SRGAP1: variants seen among roughly 807,000 people sequenced by gnomAD.
The protein encoded by SRGAP1 is SLIT-ROBO Rho GTPase-activating protein 1.
Under a neutral mutation model 121.9 loss-of-function variants are expected in SRGAP1, and 43 were observed. That is an observed-to-expected ratio of 0.35 (90% CI 0.28 to 0.46). The LOEUF (loss-of-function observed/expected upper bound fraction) is 0.46, where lower values mean the gene tolerates loss of function less well. Among genes scored for constraint, SRGAP1 ranks in the 20% least tolerant of loss-of-function variants. SRGAP1 has a pLI of 1.00. For missense variants in SRGAP1, 1,102 were observed against 1,350.9 expected (o/e 0.82, Z 2.89); for synonymous variants, 447 against 485.4 (o/e 0.92, Z 1.04).
chr12:63,979,038 C>CTTTTTTT lies in SRGAP1; in HGVS notation c.68-4891_68-4885dup, dbSNP rs34235730. ...GAAATGTCTGTTGAGACCCTTTGAC[C>CTTTTTTT]TTTTTTTTTTTTTTTTTTTTTTTTG... On this transcript the variant is annotated intron_variant, in intron 1 of 21. Transcript: ENST00000355086. 1.0e-3 allele frequency among the ~76,000 whole-genome samples: 82 copies of CTTTTTTT among 82,138 alleles called. 1 individual carries two copies. Among genetic ancestry groups the CTTTTTTT allele is most frequent in the Non-Finnish European group, 1.1e-3 (49 of 45,738 alleles). 53.9% of individuals were successfully genotyped at this position (82,138 alleles called of 152,430 possible).
intron 18 of SRGAP1, chr12:64,120,534 A>G (rs1054200888): frequency 5.3e-5 from 8 of 152,272 alleles, no homozygotes; most frequent in African/African-American, 1.9e-4. Flanking sequence ...GATGGTTACA[A>G]TCTATGGAGA....
intron 1 of SRGAP1, among the ~76,000 whole-genome samples, chr12:63,929,989 A>G (rs931161776): frequency 1.3e-5 from 2 of 152,200 alleles, no homozygotes; most frequent in Admixed American, 6.5e-5. Flanking sequence ...CAAAACCACT[A>G]TGAGATACCA....
chr12:64,066,058 C>A (rs942357767), intron 8 of SRGAP1, among the ~76,000 whole-genome samples: 3 of 152,136 alleles, frequency 2.0e-5, no homozygotes, highest in Non-Finnish European at 4.4e-5. Context: ...TCAAGGCTCC[C>A]AATTGTAATT....
At chr12:64,080,393 G>A (rs1254418112) in intron 10 of SRGAP1, 23 bp downstream of exon 10, 16 of 1,541,706 alleles carry the variant, frequency 1.0e-5, no homozygotes, top group East Asian at 2.3e-5. Flanking sequence ...AAATGTATGG[G>A]AAGATGACCT....
chr12:64,004,033 G>A (rs1312917283), intron 3 of SRGAP1, among the ~76,000 whole-genome samples: 3 of 152,186 alleles, frequency 2.0e-5, no homozygotes, highest in Non-Finnish European at 4.4e-5. Context: ...AATGCTAGCA[G>A]CACCTCACAG....
intron 1 of SRGAP1, among the ~76,000 whole-genome samples, chr12:63,982,106 G>A (rs115540625): frequency 0.039 from 5,913 of 152,006 alleles, 390 homozygotes; most frequent in African/African-American, 0.14. Context: ...CCAGCTACTC[G>A]AGGCTGAGAC....
intron 21 of SRGAP1, among the ~76,000 whole-genome samples, chr12:64,134,691 G>A (rs548864954): frequency 6.6e-6 from 1 of 152,066 alleles, no homozygotes; most frequent in African/African-American, 2.4e-5. Flanking sequence ...TTAACTCCCC[G>A]AGCTGCAACA....
chr12:63,871,128 G>A (rs1031590315), intron 1 of SRGAP1, among the ~76,000 whole-genome samples: 28 of 152,200 alleles, frequency 1.8e-4, no homozygotes, highest in Middle Eastern at 3.4e-3. Context: ...AAAATCAAGC[G>A]ATTTTATAAC....
At chr12:63,882,423 A>G (rs1289167366) in intron 1 of SRGAP1, among the ~76,000 whole-genome samples, 1 of 152,100 alleles carries the variant, frequency 6.6e-6, no homozygotes, top group African/African-American at 2.4e-5. Flanking sequence ...CAGAGATTAC[A>G]GGTAACCGCA....
chr12:63,939,568 G>A (rs1040286088), intron 1 of SRGAP1, among the ~76,000 whole-genome samples: 11 of 152,328 alleles, frequency 7.2e-5, no homozygotes, highest in African/African-American at 2.4e-4. Flanking sequence ...CATAGTGTTT[G>A]AAGTGCAGGT....
chr12:63,891,732 A>G (rs1248942988), intron 1 of SRGAP1, among the ~76,000 whole-genome samples: 2 of 152,178 alleles, frequency 1.3e-5, no homozygotes, highest in African/African-American at 4.8e-5. Context: ...CACACCTGTA[A>G]TCCCAGTACT....
At chr12:64,020,843 C>CAAAAAAAA (rs34144761) in intron 4 of SRGAP1, among the ~76,000 whole-genome samples, 17 of 70,012 alleles carry the variant, frequency 2.4e-4, no homozygotes, top group African/African-American at 7.0e-4. Context: ...GACTCCGTCT[C>CAAAAAAAA]AAAAAAAAAA....
intron 11 of SRGAP1, among the ~76,000 whole-genome samples, chr12:64,088,830 T>C (rs374731584): frequency 2.0e-5 from 3 of 152,180 alleles, no homozygotes; most frequent in Admixed American, 1.3e-4. Context: ...CTCCCAGTCA[T>C]GCGGGGACAA....
chr12:64,118,014 G>A (rs1167287629), intron 18 of SRGAP1, among the ~76,000 whole-genome samples: 1 of 152,114 alleles, frequency 6.6e-6, no homozygotes, highest in Non-Finnish European at 1.5e-5. Context: ...TGGACATTTA[G>A]GCCATTTCTA....
At chr12:63,848,847 C>T (rs1255961391) in intron 1 of SRGAP1, among the ~76,000 whole-genome samples, 1 of 151,878 alleles carries the variant, frequency 6.6e-6, no homozygotes, top group Admixed American at 6.6e-5. Flanking sequence ...TTTGCTTTCA[C>T]TTTTTTTTCA....
intron 1 of SRGAP1, among the ~76,000 whole-genome samples, chr12:63,861,799 C>G (rs1053014640): frequency 2.0e-5 from 3 of 151,956 alleles, no homozygotes; most frequent in African/African-American, 7.2e-5. Context: ...CCAGCCTGGG[C>G]AACATAGTGA....
At chr12:64,093,099 A>G (rs1387139932) in intron 12 of SRGAP1, among the ~76,000 whole-genome samples, 1 of 152,154 alleles carries the variant, frequency 6.6e-6, no homozygotes, top group Non-Finnish European at 1.5e-5. Context: ...TGTCACTGTG[A>G]AGACAGCAAG....
intron 1 of SRGAP1, among the ~76,000 whole-genome samples, chr12:63,962,538 C>T (rs1211096437): frequency 1.3e-5 from 2 of 151,944 alleles, no homozygotes; most frequent in Non-Finnish European, 2.9e-5. Flanking sequence ...CTCCTGAGTA[C>T]CGGGGATTAC....
chr12:64,025,513 A>T (rs1294529034), intron 4 of SRGAP1, among the ~76,000 whole-genome samples: 2 of 152,190 alleles, frequency 1.3e-5, no homozygotes, highest in Non-Finnish European at 2.9e-5. Flanking sequence ...GAAAATGAAA[A>T]TTCATTCCTT....
Sources: allele counts gnomAD v4.1 joint callset (sites outside exome capture counted in the v4.1 genomes callset), GRCh38; gene constraint gnomAD v4.1.1; transcripts MANE v1.5; gene names NCBI Gene and HGNC (gene_info 2026-07-23, HGNC 2026-07-21).